Variants in SAAL1 observed in about 807,000 individuals in gnomAD.
The protein encoded by SAAL1 is protein SAAL1.
SAAL1 carries 42 observed loss-of-function variants against 59.8 expected under a neutral mutation model. The ratio of observed to expected loss-of-function variants is 0.70; its 90% CI spans 0.55 to 0.91. SAAL1 has a LOEUF of 0.91. Ranked by LOEUF, SAAL1 falls within the 40% of genes least tolerant of loss-of-function variation. SAAL1 has a pLI of 0.00. For synonymous variants in SAAL1, 191 were observed against 194.3 expected, an observed-to-expected ratio of 0.98 and a Z score of 0.14; for missense variants, 542 against 561.1, an observed-to-expected ratio of 0.97 and a Z score of 0.34.
chr11:18,095,075 C>T (rs1413422714), intron 3 of SAAL1, among the ~76,000 whole-genome samples: 1 of 152,138 alleles, frequency 6.6e-6, no homozygotes, highest in Non-Finnish European at 1.5e-5. Flanking sequence ...TATTAGGAAT[C>T]CTGGACCTAC....
chr11:18,086,846 G>A lies in SAAL1; in HGVS notation c.1042+20C>T. Reference sequence around the variant, plus strand: ...ATAAATGAAATGAAAAACAGTATGAGCCTGGGAAACTGTACTTGCCTTTTT... The same window carrying A: ...ATAAATGAAATGAAAAACAGTATGAACCTGGGAAACTGTACTTGCCTTTTT... On this transcript the variant is annotated intron_variant, in intron 9 of 11. Coordinates refer to ENST00000524803, the MANE Select transcript of SAAL1 (RefSeq NM_138421.3). 2 of 1,484,164 alleles carry A rather than the reference G, an allele frequency of 1.3e-6. No homozygotes were observed. The highest frequency in any genetic ancestry group is 1.8e-6 in the Non-Finnish European group (2 of 1,104,916). 91.9% of individuals were successfully genotyped at this position (1,484,164 alleles called of 1,614,324 possible).
Position 18,083,523 on chromosome 11 carries a change from C to T in SAAL1, c.1239+12G>A. On this transcript the variant is annotated intron_variant, in intron 10 of 11. Coordinates refer to ENST00000524803, the MANE Select transcript of SAAL1 (RefSeq NM_138421.3). ...TCTTTTGCTTATGACATCATCAATACTTCTTTCCTACCTTTGTTAATGCCT... is the reference window on the plus strand; with the variant it reads ...TCTTTTGCTTATGACATCATCAATATTTCTTTCCTACCTTTGTTAATGCCT... 1.3e-6 allele frequency: 2 copies of T among 1,508,944 alleles called. No homozygotes were observed. The highest frequency in any genetic ancestry group is 4.5e-5 in the East Asian group (2 of 44,252). The allele number at this position is 1,508,944 out of a possible 1,614,324, so 93.5% of individuals were successfully genotyped here.
At chr11:18,100,329 A>C (rs1015955947) in intron 2 of SAAL1, among the ~76,000 whole-genome samples, 2 of 152,228 alleles carry the variant, frequency 1.3e-5, no homozygotes, top group Non-Finnish European at 1.5e-5. Context: ...AACACATTTA[A>C]AAGGATTCAG....
At chr11:18,098,869 C>G (rs563989284) in intron 2 of SAAL1, among the ~76,000 whole-genome samples, 1 of 152,334 alleles carries the variant, frequency 6.6e-6, no homozygotes, top group Non-Finnish European at 1.5e-5. Flanking sequence ...TCAACACCAA[C>G]AGTAATAAAA....
At chr11:18,084,067 T>A (rs766295197) in intron 9 of SAAL1, among the ~76,000 whole-genome samples, 1 of 152,138 alleles carries the variant, frequency 6.6e-6, no homozygotes, top group Non-Finnish European at 1.5e-5. Flanking sequence ...TCAGGGGTGG[T>A]AGCTCACGCT....
intron 1 of SAAL1, 93 bp downstream of exon 1, chr11:18,105,814 T>C: frequency 7.1e-7 from 1 of 1,418,164 alleles, no homozygotes; most frequent in Non-Finnish European, 9.2e-7. Context: ...TTTGTGGGGA[T>C]GGCGGCTCCC....
intron 1 of SAAL1, among the ~76,000 whole-genome samples, chr11:18,104,672 G>A (rs1394846697): frequency 6.6e-6 from 1 of 152,134 alleles, no homozygotes; most frequent in Non-Finnish European, 1.5e-5. Context: ...AAGGAGAGAA[G>A]TGAGTATTCA....
chr11:18,105,326 G>C (rs570690284), intron 1 of SAAL1, among the ~76,000 whole-genome samples: 104 of 147,100 alleles, frequency 7.1e-4, no homozygotes, highest in African/African-American at 2.4e-3. Context: ...GCACCGTCAC[G>C]ACCGGCTTTT....
chr11:18,103,249 T>G lies in SAAL1; in HGVS notation c.233A>C (p.Asp78Ala). 6.2e-7 allele frequency: 1 copy of G among 1,610,536 alleles called. No homozygotes were observed. Among genetic ancestry groups the G allele is most frequent in the African/African-American group, 1.3e-5 (1 of 74,980 alleles). The change falls in exon 2 of 12, where the codon GAT becomes GCT. Residue 78 changes from aspartate to alanine, a missense_variant. By Grantham distance (126) the Asp-to-Ala change is moderately radical (BLOSUM62 -2). Transcript: ENST00000524803. ...EMENEICRVW[D>A]MSMDEDVALF... Reference sequence around the variant, plus strand: ...GCCTCATACCTCATCCATTGACATATCCCATACTCTGCAAATTTCATTCTC... The same window carrying G: ...GCCTCATACCTCATCCATTGACATAGCCCATACTCTGCAAATTTCATTCTC...
intron 7 of SAAL1, among the ~76,000 whole-genome samples, chr11:18,087,877 T>C (rs1452197331): frequency 1.3e-5 from 2 of 152,254 alleles, no homozygotes; most frequent in African/African-American, 4.8e-5. Context: ...TAAGATGTTA[T>C]CCCTACCTTC....
Position 18,081,521 on chromosome 11 carries a change from T to C in SAAL1, c.1240-18A>G, listed in dbSNP as rs117915244. 6.4e-3 allele frequency: 10,266 copies of C among 1,609,382 alleles called. 494 individuals are homozygous for C. The East Asian group carries it at 0.082, about 13-fold the overall frequency. On this transcript the variant is annotated intron_variant, in intron 10 of 11. Coordinates refer to ENST00000524803, the MANE Select transcript of SAAL1 (RefSeq NM_138421.3). Reference sequence around the variant, plus strand: ...ACCGTCTCCTAAAACAACAACAAGATTTAATGTCAAAAAAGGAAAATTTTT... The same window carrying C: ...ACCGTCTCCTAAAACAACAACAAGACTTAATGTCAAAAAAGGAAAATTTTT...
At chr11:18,093,279 A>C (rs1239409653) in intron 3 of SAAL1, among the ~76,000 whole-genome samples, 1 of 152,198 alleles carries the variant, frequency 6.6e-6, no homozygotes. Context: ...CTTTCTTTAC[A>C]TGAAAAGGTA....
chr11:18,081,305 G>T, intron 11 of SAAL1, 106 bp downstream of exon 11: 1 of 762,422 alleles, frequency 1.3e-6, no homozygotes, highest in Non-Finnish European at 2.2e-6. Flanking sequence ...CATATAAATT[G>T]TATATACTAT....
In SAAL1 at chr11:18,106,021, C is replaced by CGGT. The variant is rs2134068708; in HGVS notation, c.20_21insACC (p.Pro10dup). On this transcript the variant is annotated inframe_insertion, in exon 1 of 12. Coordinates refer to ENST00000524803, the MANE Select transcript of SAAL1 (RefSeq NM_138421.3). ...CCTCCTTGTCGCGACCCGGCGGCGGCGGCGAGGGGTTGCGGTCCATGACTT... is the reference window on the plus strand; with the variant it reads ...CCTCCTTGTCGCGACCCGGCGGCGGCGGTGGCGAGGGGTTGCGGTCCATGACTT... 1 of 1,608,360 alleles carries CGGT rather than the reference C, an allele frequency of 6.2e-7. No individual in the cohort carries two copies. The highest frequency in any genetic ancestry group is 8.5e-7 in the Non-Finnish European group (1 of 1,179,312).
At position 18,092,412 on chromosome 11, in the gene SAAL1, C is replaced by G. The variant is rs1349739417; in HGVS notation, c.334-88G>C. On this transcript the variant is annotated intron_variant, in intron 3 of 11. Transcript: ENST00000524803. ...AACTTGAACAAAAACTTTCGCTGAG[C>G]CAAGTTTTGGGGCAAGGCGGAGGGG... 9.2e-6 allele frequency: 8 copies of G among 872,586 alleles called. 1 individual carries two copies. Among genetic ancestry groups the G allele is most frequent in the African/African-American group, 3.4e-5 (2 of 59,482 alleles). 54.1% of individuals were successfully genotyped at this position (872,586 alleles called of 1,614,324 possible).
At chr11:18,086,822 TAAATG>T (rs1848468657) in intron 9 of SAAL1, 39 bp downstream of exon 9, 1 of 1,285,602 alleles carries the variant, frequency 7.8e-7, no homozygotes, top group South Asian at 2.5e-5. Flanking sequence ...AAGGGAGAAA[TAAATG>T]AAATGAAAAA....
intron 9 of SAAL1, among the ~76,000 whole-genome samples, chr11:18,085,297 G>A (rs940258666): frequency 5.9e-5 from 9 of 152,218 alleles, no homozygotes; most frequent in South Asian, 2.1e-4. Context: ...TTACTGGAAC[G>A]ACTACTAAAA....
chr11:18,081,010 CAG>C (rs1317032426), intron 11 of SAAL1, among the ~76,000 whole-genome samples: 1 of 151,976 alleles, frequency 6.6e-6, no homozygotes, highest in African/African-American at 2.4e-5. Context: ...ATTGTAGACT[CAG>C]GGGAGTCTAA....
intron 2 of SAAL1, among the ~76,000 whole-genome samples, chr11:18,099,182 A>C (rs1848606644): frequency 6.6e-6 from 1 of 152,204 alleles, no homozygotes; most frequent in Non-Finnish European, 1.5e-5. Context: ...CACAGGCATT[A>C]TCATAGCTCA....
Sources: allele counts gnomAD v4.1 joint callset (sites outside exome capture counted in the v4.1 genomes callset), GRCh38; gene constraint gnomAD v4.1.1; transcripts MANE v1.5; gene names NCBI Gene and HGNC (gene_info 2026-07-23, HGNC 2026-07-21).